The following CNST variants were observed in gnomAD, a reference collection of about 807,000 sequenced individuals.
The protein encoded by CNST is consortin, connexin sorting protein.
Under a neutral mutation model 72.4 loss-of-function variants are expected in CNST, and 39 were observed. That is an observed-to-expected ratio of 0.54 (90% CI 0.42 to 0.70). The LOEUF is 0.70. CNST is among the 30% of genes least tolerant of loss of function. The pLI, the probability that CNST is intolerant of heterozygous loss-of-function variation, is 0.00. For missense variants in CNST, 871 were observed against 868.5 expected, an observed-to-expected ratio of 1.00 and a Z score of -0.04; for synonymous variants, 332 against 320.1, an observed-to-expected ratio of 1.04 and a Z score of -0.40.
chr1:246,593,579 T>C (rs1385364173), intron 2 of CNST, among the ~76,000 whole-genome samples: 1 of 152,160 alleles, frequency 6.6e-6, no homozygotes, highest in Non-Finnish European at 1.5e-5. Flanking sequence ...CCTGACCTCG[T>C]GATCCGCCCA....
intron 10 of CNST, among the ~76,000 whole-genome samples, chr1:246,664,832 T>G (rs1258060633): frequency 6.6e-6 from 1 of 152,244 alleles, no homozygotes; most frequent in East Asian, 1.9e-4. Flanking sequence ...TCCTACACTT[T>G]AATCATGCTG....
At chr1:246,585,257 C>A (rs922639404) in intron 1 of CNST, among the ~76,000 whole-genome samples, 1 of 152,136 alleles carries the variant, frequency 6.6e-6, no homozygotes, top group African/African-American at 2.4e-5. Context: ...AAGCTTTCTG[C>A]CAGCTTTTCT....
intron 9 of CNST, among the ~76,000 whole-genome samples, chr1:246,658,017 G>C (rs1189351417): frequency 6.6e-6 from 1 of 152,086 alleles, no homozygotes; most frequent in African/African-American, 2.4e-5. Context: ...CCCTGTGGTA[G>C]GTGAATTCAC....
rs1667396781 is a variant in CNST at position 246,666,528 on chromosome 1, A to G, written c.*623A>G. On this transcript the variant is annotated 3_prime_UTR_variant, in exon 11 of 11. Transcript: ENST00000366513. ...AGATGATCTTTCTTCTTTTAACTTGATGATGATGTGCAGGCACAAATCTTT... is the reference window on the plus strand; with the variant it reads ...AGATGATCTTTCTTCTTTTAACTTGGTGATGATGTGCAGGCACAAATCTTT... 1.3e-5 allele frequency: 2 copies of G among 152,620 alleles called. No homozygotes were observed. Among genetic ancestry groups the G allele is most frequent in the African/African-American group, 4.8e-5 (2 of 41,454 alleles). 9.5% of individuals were successfully genotyped at this position (152,620 alleles called of 1,614,324 possible).
intron 4 of CNST, among the ~76,000 whole-genome samples, chr1:246,633,591 A>C (rs1206126027): frequency 1.3e-5 from 2 of 151,554 alleles, no homozygotes; most frequent in Non-Finnish European, 2.9e-5. Context: ...AAATACAAAA[A>C]AATCAGCCAG....
At chr1:246,601,086 C>A (rs1285231874) in intron 2 of CNST, among the ~76,000 whole-genome samples, 1 of 151,730 alleles carries the variant, frequency 6.6e-6, no homozygotes, top group East Asian at 2.0e-4. Context: ...AGGAGGACTG[C>A]TTGAGTCAAG....
chr1:246,624,018 C>G (rs893748280), intron 3 of CNST, among the ~76,000 whole-genome samples: 1 of 150,526 alleles, frequency 6.6e-6, no homozygotes, highest in Non-Finnish European at 1.5e-5. Context: ...AGCCGTGATT[C>G]CATCACTGCA....
chr1:246,599,275 C>A (rs1040220620), intron 2 of CNST, among the ~76,000 whole-genome samples: 1 of 151,986 alleles, frequency 6.6e-6, no homozygotes, highest in Non-Finnish European at 1.5e-5. Context: ...TTTAAACACA[C>A]GACAACACAA....
intron 2 of CNST, among the ~76,000 whole-genome samples, chr1:246,600,726 T>G (rs549333842): frequency 5.9e-5 from 9 of 152,272 alleles, no homozygotes; most frequent in African/African-American, 1.9e-4. Flanking sequence ...AAGACAGTGT[T>G]GTGCTTTTGG....
At chr1:246,641,008 T>C (rs1324505532) in intron 6 of CNST, among the ~76,000 whole-genome samples, 3 of 152,178 alleles carry the variant, frequency 2.0e-5, no homozygotes, top group African/African-American at 7.2e-5. Context: ...TAGTAACCAC[T>C]ATCTGGACTC....
chr1:246,570,608 C>G (rs1398439258), intron 1 of CNST, among the ~76,000 whole-genome samples: 1 of 152,138 alleles, frequency 6.6e-6, no homozygotes, highest in African/African-American at 2.4e-5. Flanking sequence ...GTTAGAGGAT[C>G]AAAGACAGAA....
intron 2 of CNST, among the ~76,000 whole-genome samples, chr1:246,614,091 A>C (rs958415394): frequency 2.0e-5 from 3 of 152,014 alleles, no homozygotes; most frequent in Non-Finnish European, 4.4e-5. Flanking sequence ...CCCTTATCCA[A>C]AATGCTTGAG....
intron 9 of CNST, among the ~76,000 whole-genome samples, chr1:246,649,152 T>G (rs1383140946): frequency 8.4e-6 from 1 of 118,934 alleles, no homozygotes; most frequent in African/African-American, 3.0e-5. Context: ...CTCTACAGAC[T>G]GTTGTTTTGT....
At position 246,591,955 on chromosome 1, in the gene CNST, T is replaced by C. The variant is rs1294258011; in HGVS notation, c.379+14T>C. 1 of 1,586,900 alleles carries C rather than the reference T, an allele frequency of 6.3e-7. No homozygotes were observed. Among genetic ancestry groups the C allele is most frequent in the African/African-American group, 1.4e-5 (1 of 73,378 alleles). Reference sequence around the variant, plus strand: ...AGATACCACCAGGTATTGTTTAAAATAGTATTTATCCTCTTCTTTAATTAA... The same window carrying C: ...AGATACCACCAGGTATTGTTTAAAACAGTATTTATCCTCTTCTTTAATTAA... On this transcript the variant is annotated intron_variant, in intron 2 of 10. Coordinates refer to ENST00000366513, the MANE Select transcript of CNST (RefSeq NM_152609.3).
At chr1:246,659,159 C>T (rs1558599182) in intron 9 of CNST, among the ~76,000 whole-genome samples, 1 of 152,164 alleles carries the variant, frequency 6.6e-6, no homozygotes, top group Non-Finnish European at 1.5e-5. Context: ...CCGCACAGTG[C>T]CATTGTAGCC....
intron 2 of CNST, among the ~76,000 whole-genome samples, chr1:246,603,465 T>C (rs1030291917): frequency 6.6e-6 from 1 of 152,208 alleles, no homozygotes; most frequent in Non-Finnish European, 1.5e-5. Context: ...GCATCACTGA[T>C]AGGGTGAGAA....
At chr1:246,633,888 G>A in intron 4 of CNST, 36 bp from the exon 5 acceptor site, 1 of 1,353,852 alleles carries the variant, frequency 7.4e-7, no homozygotes, top group Non-Finnish European at 1.1e-6. Flanking sequence ...AATGTAAATA[G>A]TGTGGATTTC....
At chr1:246,586,129 G>GTGTC (rs1323772205) in intron 1 of CNST, among the ~76,000 whole-genome samples, 6 of 148,920 alleles carry the variant, frequency 4.0e-5, no homozygotes, top group Non-Finnish European at 5.9e-5. Flanking sequence ...GTGTGTGTGT[G>GTGTC]TGTGTGTGTG....
At chr1:246,603,013 A>G (rs1160103782) in intron 2 of CNST, among the ~76,000 whole-genome samples, 7 of 152,222 alleles carry the variant, frequency 4.6e-5, no homozygotes, top group African/African-American at 1.7e-4. Context: ...CCCAAAAAAC[A>G]GCATTCTCCA....
Sources: allele counts gnomAD v4.1 joint callset (sites outside exome capture counted in the v4.1 genomes callset), GRCh38; gene constraint gnomAD v4.1.1; transcripts MANE v1.5; gene names NCBI Gene and HGNC (gene_info 2026-07-23, HGNC 2026-07-21).